The following LSAMP variants were observed in gnomAD, a reference collection of about 807,000 sequenced individuals.
LSAMP encodes the protein limbic system associated membrane protein, also known as limbic system-associated membrane protein.
A neutral mutation model predicts 38.6 loss-of-function variants in LSAMP; 7 were observed. That is an observed-to-expected ratio of 0.18 (90% CI 0.10 to 0.34). The LOEUF (loss-of-function observed/expected upper bound fraction) is 0.34, where lower values mean the gene tolerates loss of function less well. LSAMP is among the 10% of genes least tolerant of loss of function. The probability of loss-of-function intolerance (pLI) is 1.00; values close to 1 mark genes in which losing one functional copy is unlikely to be tolerated. For missense variants in LSAMP, 313 were observed against 420.0 expected (o/e 0.75, Z 2.23); for synonymous variants, 154 against 166.8 (o/e 0.92, Z 0.59).
intron 1 of LSAMP, among the ~76,000 whole-genome samples, chr3:116,348,946 T>C (rs550706149): frequency 1.3e-5 from 2 of 152,312 alleles, no homozygotes; most frequent in East Asian, 3.9e-4. Flanking sequence ...GTAATCTGTA[T>C]AATTTTTAGG....
intron 1 of LSAMP, among the ~76,000 whole-genome samples, chr3:116,381,377 C>T (rs762414752): frequency 6.6e-6 from 1 of 152,034 alleles, no homozygotes; most frequent in Middle Eastern, 3.2e-3. Context: ...TATTTCTTGA[C>T]AAACTTTCCT....
At position 116,097,891 on chromosome 3, in the gene LSAMP, A is replaced by G. The variant is rs541371670; in HGVS notation, c.156-11335T>C. Among the ~76,000 whole-genome samples, 99 of 152,136 alleles carry G rather than the reference A, an allele frequency of 6.5e-4. 1 individual carries two copies. Among genetic ancestry groups the G allele is most frequent in the African/African-American group, 2.4e-3 (98 of 41,528 alleles). ...GCTGGTGTTACAGGCATGCACCACC[A>G]TACCTGGCTAATTTTGTATTTTTAG... is the stretch of plus-strand genomic sequence containing the variant. On this transcript the variant is annotated intron_variant, in intron 1 of 6. Coordinates refer to ENST00000490035, the MANE Select transcript of LSAMP (RefSeq NM_002338.5).
intron 3 of LSAMP, among the ~76,000 whole-genome samples, chr3:116,001,328 C>T (rs974297127): frequency 3.3e-5 from 5 of 152,022 alleles, no homozygotes; most frequent in African/African-American, 1.2e-4. Context: ...ATTTCAATTC[C>T]CCATTATACA....
chr3:116,191,544 G>T (rs1333399580), intron 1 of LSAMP, among the ~76,000 whole-genome samples: 1 of 152,038 alleles, frequency 6.6e-6, no homozygotes, highest in African/African-American at 2.4e-5. Flanking sequence ...ACAGTTTAGG[G>T]CTGAGGATTC....
chr3:115,909,402 A>T (rs1312721861), intron 3 of LSAMP, among the ~76,000 whole-genome samples: 2 of 152,300 alleles, frequency 1.3e-5, no homozygotes, highest in Non-Finnish European at 1.5e-5. Context: ...GAAGAGCTCC[A>T]AATGAATGGC....
At chr3:116,113,399 C>CATATATATATATAT (rs1257040780) in intron 1 of LSAMP, among the ~76,000 whole-genome samples, 1 of 96,770 alleles carries the variant, frequency 1.0e-5, no homozygotes, top group African/African-American at 4.0e-5. Flanking sequence ...ATATGTTTGC[C>CATATATATATATAT]CTATATATAT....
intron 1 of LSAMP, among the ~76,000 whole-genome samples, chr3:116,269,645 C>A (rs2046942999): frequency 6.6e-6 from 1 of 152,044 alleles, no homozygotes; most frequent in Non-Finnish European, 1.5e-5. Flanking sequence ...ATCATCCAAA[C>A]CAGGACGCTT....
intron 1 of LSAMP, among the ~76,000 whole-genome samples, chr3:116,153,375 C>T (rs1050212442): frequency 2.0e-5 from 3 of 152,122 alleles, no homozygotes; most frequent in African/African-American, 7.2e-5. Context: ...CTCAGCTTTG[C>T]AGGGTTTCTC....
rs142517716 is a variant in LSAMP, at chr3:115,928,074, G to A, written c.515-75457C>T. 7.0e-3 allele frequency among the ~76,000 whole-genome samples: 1,060 copies of A among 152,256 alleles called. 4 individuals carry two copies. The highest frequency in any genetic ancestry group is 8.1e-3 in the Non-Finnish European group (548 of 68,014). ...TTGCAATCCCCATGCACAGAAAAGT[G>A]CCTAGCATATAGTATATGCTCAACA... On this transcript the variant is annotated intron_variant, in intron 3 of 6. Transcript: ENST00000490035.
At position 115,930,385 on chromosome 3, in the gene LSAMP, G is replaced by A. The variant is rs117122123; in HGVS notation, c.515-77768C>T. Among the ~76,000 whole-genome samples, 55 of 152,210 alleles carry A rather than the reference G, an allele frequency of 3.6e-4. No individual in the cohort carries two copies. In the East Asian group the frequency reaches 0.01, roughly 28 times the overall value. ...TTATCTGAGCCCCTCCTTGAGGAGG[G>A]ATAGTAGGAAATTCAACAGTAACAA... On this transcript the variant is annotated intron_variant, in intron 3 of 6. Transcript: ENST00000490035.
intron 3 of LSAMP, among the ~76,000 whole-genome samples, chr3:115,855,021 G>T (rs1411637856): frequency 6.6e-6 from 1 of 152,126 alleles, no homozygotes; most frequent in Non-Finnish European, 1.5e-5. Flanking sequence ...TCTTAATCTT[G>T]GTTGGGGACA....
chr3:116,300,886 C>T (rs772185976), intron 1 of LSAMP, among the ~76,000 whole-genome samples: 10 of 152,030 alleles, frequency 6.6e-5, no homozygotes, highest in South Asian at 2.1e-4. Flanking sequence ...CCTCTGAAAA[C>T]GAAATGCTCA....
intron 3 of LSAMP, among the ~76,000 whole-genome samples, chr3:115,983,422 G>GAGGT (rs1278792610): frequency 2.6e-5 from 4 of 152,074 alleles, no homozygotes; most frequent in African/African-American, 9.7e-5. Context: ...ACTTGAGGCT[G>GAGGT]AGGTGAGAGG....
At chr3:116,057,957 C>A (rs113897872) in intron 2 of LSAMP, among the ~76,000 whole-genome samples, 35,521 of 115,660 alleles carry the variant, frequency 0.31, 4,420 homozygotes, top group Admixed American at 0.36. Context: ...ACACACACAC[C>A]CACACACACA....
At position 115,804,230 on chromosome 3, in the gene LSAMP, T is replaced by C. The variant is rs1559827027; in HGVS notation, c.*6087A>G. ...GAGAATACAGAGACCAAACTAGAGA[T>C]AACAAACAGCTGCTGTTTACAAACA... On this transcript the variant is annotated 3_prime_UTR_variant, in exon 7 of 7. Coordinates refer to ENST00000490035, the MANE Select transcript of LSAMP (RefSeq NM_002338.5). 6.6e-6 allele frequency: 1 copy of C among 152,332 alleles called. No homozygotes were observed. The highest frequency in any genetic ancestry group is 1.9e-4 in the East Asian group (1 of 5,186). 9.4% of individuals were successfully genotyped at this position (152,332 alleles called of 1,614,324 possible).
rs569134937 is a variant in LSAMP, at chr3:116,235,511, T to C, written c.156-148955A>G. Among the ~76,000 whole-genome samples, 76 of 152,080 alleles carry C rather than the reference T, an allele frequency of 5.0e-4. 1 individual carries two copies. Among genetic ancestry groups the C allele is most frequent in the Non-Finnish European group, 9.3e-4 (63 of 67,972 alleles). ...AAGGAGAGAGGAAGAGAGAAAGAGATAGAGATAGAGATACGATGCTCTAAG... is the reference window on the plus strand; with the variant it reads ...AAGGAGAGAGGAAGAGAGAAAGAGACAGAGATAGAGATACGATGCTCTAAG... On this transcript the variant is annotated intron_variant, in intron 1 of 6. Transcript: ENST00000490035.
chr3:116,028,527 G>T (rs1019681381), intron 2 of LSAMP, among the ~76,000 whole-genome samples: 22 of 152,132 alleles, frequency 1.4e-4, no homozygotes, highest in African/African-American at 4.8e-4. Context: ...AAATGCTTTA[G>T]TTTCCTCACC....
chr3:116,371,619 C>G (rs1210399741), intron 1 of LSAMP, among the ~76,000 whole-genome samples: 1 of 152,050 alleles, frequency 6.6e-6, no homozygotes, highest in Non-Finnish European at 1.5e-5. Context: ...CCTCTCAGAT[C>G]AAGAACAAGG....
chr3:116,237,088 C>A (rs530457563), intron 1 of LSAMP, among the ~76,000 whole-genome samples: 62 of 151,954 alleles, frequency 4.1e-4, no homozygotes, highest in African/African-American at 1.4e-3. Flanking sequence ...ATCATGACAT[C>A]AAAAATATGC....
Sources: gnomAD v4.1 joint callset for allele counts (sites outside exome capture counted in the v4.1 genomes callset) on GRCh38, gnomAD v4.1.1 for gene constraint, MANE v1.5 for transcripts, NCBI Gene and HGNC (gene_info 2026-07-23, HGNC 2026-07-21) for gene names.